The following FNDC1 variants were observed in gnomAD, a reference collection of about 807,000 sequenced individuals.
The protein encoded by FNDC1 is fibronectin type III domain containing 1.
Under a neutral mutation model 168.0 loss-of-function variants are expected in FNDC1, and 96 were observed. That is an observed-to-expected ratio of 0.57 (90% CI 0.48 to 0.68). The LOEUF (loss-of-function observed/expected upper bound fraction) is 0.68. Ranked by LOEUF, FNDC1 falls within the 30% of genes least tolerant of loss-of-function variation. The pLI is 0.00. For synonymous variants in FNDC1, 1,099 were observed against 1,025.9 expected (o/e 1.07, Z -1.36); for missense variants, 2,587 against 2,482.1 (o/e 1.04, Z -0.90).
In FNDC1 at chr6:159,204,301, A is replaced by G. The variant is rs549429018; in HGVS notation, c.460+3720A>G. ...TAGTGGGTCTGTATTCCAGGCATCCATGACAATGACCCATTTGATATTCTC... is the reference window on the plus strand; with the variant it reads ...TAGTGGGTCTGTATTCCAGGCATCCGTGACAATGACCCATTTGATATTCTC... On this transcript the variant is annotated intron_variant, in intron 4 of 22. Transcript: ENST00000297267. 5.9e-5 allele frequency among the ~76,000 whole-genome samples: 9 copies of G among 152,264 alleles called. 1 individual carries two copies. Among genetic ancestry groups the G allele is most frequent in the Admixed American group, 4.6e-4 (7 of 15,296 alleles).
chr6:159,229,836 C>G lies in FNDC1; in HGVS notation c.1202C>G (p.Pro401Arg). The part of the protein sequence containing the change: ...KVKEYILSYA[P>R]ALKPFGAKSL... ...TCAGAATACATTCTTTCATACGCCC[C>G]GGCTCTCAAACCATTTGGAGCAAAG... is the stretch of plus-strand genomic sequence containing the variant. The change falls in exon 10 of 23, where the codon CCG (proline) becomes CGG (arginine). Residue 401 changes from proline to arginine, a missense_variant. Transcript: ENST00000297267. 1 of 1,612,878 alleles carries G rather than the reference C, an allele frequency of 6.2e-7. No individual in the cohort carries two copies. Among genetic ancestry groups the G allele is most frequent in the Non-Finnish European group, 8.5e-7 (1 of 1,179,360 alleles).
Position 159,232,756 on chromosome 6 carries a change from G to C in FNDC1, c.2244G>C (p.Glu748Asp). The stretch of plus-strand genomic sequence containing the variant: ...TTTCCAAGGGCGGGAAGGATGGTGA[G>C]GACGCCCCAGCCACCAACTCCAATG... ...SPLSKGGKDG[E>D]DAPATNSNAP... The change falls in exon 11 of 23, where the codon GAG becomes GAC. Residue 748 changes from glutamate (E) to aspartate (D), a missense_variant. By Grantham distance (45) the Glu-to-Asp change is conservative. Coordinates refer to ENST00000297267, the MANE Select transcript of FNDC1 (RefSeq NM_032532.3). This position sits in a 1 kb window ranked among gnomAD's most constrained non-coding sequence, Gnocchi z 4.9. 2 of 1,613,948 alleles carry C rather than the reference G, an allele frequency of 1.2e-6. No individual in the cohort carries two copies. Among genetic ancestry groups the C allele is most frequent in the Non-Finnish European group, 1.7e-6 (2 of 1,179,896 alleles).
At chr6:159,221,219 T>G (rs1425525325) in intron 5 of FNDC1, among the ~76,000 whole-genome samples, 3 of 152,212 alleles carry the variant, frequency 2.0e-5, no homozygotes, top group African/African-American at 7.2e-5. Context: ...CTTCTCAATT[T>G]TGGAAGTAGA....
chr6:159,190,930 C>T (rs770173330), intron 1 of FNDC1, among the ~76,000 whole-genome samples: 3 of 152,158 alleles, frequency 2.0e-5, no homozygotes, highest in Non-Finnish European at 2.9e-5. Flanking sequence ...TAAAGAACTA[C>T]CTGAGACTGG....
At chr6:159,186,137 G>T (rs1245214651) in intron 1 of FNDC1, among the ~76,000 whole-genome samples, 1 of 152,192 alleles carries the variant, frequency 6.6e-6, no homozygotes, top group African/African-American at 2.4e-5. Flanking sequence ...TTTTGAAACA[G>T]AATTTCTTCA....
chr6:159,242,478 C>T (rs1423262566), intron 14 of FNDC1, among the ~76,000 whole-genome samples: 3 of 151,856 alleles, frequency 2.0e-5, no homozygotes, highest in African/African-American at 7.3e-5. Context: ...GCACCTGTAC[C>T]CCAGAACTTA....
chr6:159,175,347 G>A (rs1166519756), intron 1 of FNDC1, among the ~76,000 whole-genome samples: 1 of 152,094 alleles, frequency 6.6e-6, no homozygotes, highest in Non-Finnish European at 1.5e-5. Flanking sequence ...AGGTTAACTG[G>A]TTTTCCCTAA....
At chr6:159,227,640 C>CTTTT (rs1209585889) in intron 9 of FNDC1, among the ~76,000 whole-genome samples, 3 of 118,102 alleles carry the variant, frequency 2.5e-5, no homozygotes, top group African/African-American at 1.3e-4. Context: ...TACTATTCTT[C>CTTTT]TTTCTCTTTT....
intron 9 of FNDC1, among the ~76,000 whole-genome samples, chr6:159,227,646 C>CT (rs10537794): frequency 0.045 from 6,115 of 135,880 alleles, 181 homozygotes; most frequent in Non-Finnish European, 0.061. Flanking sequence ...TCTTCTTTCT[C>CT]TTTTTTTTTT....
intron 1 of FNDC1, among the ~76,000 whole-genome samples, chr6:159,182,497 C>A (rs897061945): frequency 2.6e-5 from 4 of 152,092 alleles, no homozygotes; most frequent in African/African-American, 9.7e-5. Flanking sequence ...ATACTCTGTT[C>A]TCTGATTATC....
chr6:159,224,139 T>C (rs1782903197), intron 7 of FNDC1, among the ~76,000 whole-genome samples: 1 of 152,238 alleles, frequency 6.6e-6, no homozygotes, highest in Non-Finnish European at 1.5e-5. Context: ...ACTGACTTGC[T>C]TCATGTCTGG....
intron 20 of FNDC1, 44 bp from the exon 21 acceptor site, chr6:159,266,040 C>G (rs780101349): frequency 6.2e-7 from 1 of 1,600,108 alleles, no homozygotes; most frequent in East Asian, 2.2e-5. Context: ...AGAAGACACA[C>G]TGTGGAGTGC....
chr6:159,232,512 G>C lies in FNDC1; in HGVS notation c.2000G>C (p.Arg667Pro). Residue 667 changes from arginine (R) to proline (P), a missense_variant, in exon 11 of 23, where the codon CGG (arginine) becomes CCG (proline). By Grantham distance (103) the Arg-to-Pro change is moderately radical (BLOSUM62 -2). Coordinates refer to ENST00000297267, the MANE Select transcript of FNDC1 (RefSeq NM_032532.3). The surrounding 1 kb of genome is among the most constrained non-coding windows in gnomAD (Gnocchi z 4.9). ...LHPKGAFAQP[R>P]PALSPSRQSP... ...CCCAAGGGCGCCTTCGCCCAGCCCC[G>C]GCCAGCCCTGTCCCCCAGCCGCCAG... 1 of 1,612,008 alleles carries C rather than the reference G, an allele frequency of 6.2e-7. No individual in the cohort carries two copies. Among genetic ancestry groups the C allele is most frequent in the Non-Finnish European group, 8.5e-7 (1 of 1,179,214 alleles).
At chr6:159,193,367 G>A (rs148031651) in intron 1 of FNDC1, among the ~76,000 whole-genome samples, 46 of 152,260 alleles carry the variant, frequency 3.0e-4, no homozygotes, top group African/African-American at 1.0e-3. Context: ...GAGGTTCATG[G>A]CCCTTGTGAG....
At position 159,232,897 on chromosome 6, in the gene FNDC1, AG is replaced by A. The variant is rs1431444797; in HGVS notation, c.2386del (p.Asp796ThrfsTer114). 6.2e-7 allele frequency: 1 copy of A among 1,612,844 alleles called. No homozygotes were observed. On this transcript the variant is annotated frameshift_variant, in exon 11 of 23. Transcript: ENST00000297267. LOFTEE classifies it high-confidence loss of function. This position sits in a 1 kb window ranked among gnomAD's most constrained non-coding sequence, Gnocchi z 4.9. ...GESHGDGDREDGGRQAEATAQ... is the reference protein window; with the variant it reads ...GESHGDGDREXGGRQAEATAQ... ...AAAGCCACGGTGACGGCGATAGGGA[AG>A]ACGGCGGAAGGCAGGCGGAGGCCAC...
At chr6:159,234,913 A>G (rs1300191689) in intron 11 of FNDC1, among the ~76,000 whole-genome samples, 1 of 152,236 alleles carries the variant, frequency 6.6e-6, no homozygotes, top group Non-Finnish European at 1.5e-5. Flanking sequence ...AAGTGCCGCC[A>G]TGTGTTTAAG....
intron 4 of FNDC1, among the ~76,000 whole-genome samples, chr6:159,200,926 A>G (rs976409237): frequency 6.6e-6 from 1 of 152,266 alleles, no homozygotes; most frequent in African/African-American, 2.4e-5. Flanking sequence ...GAATCAATGA[A>G]TGGGGTCCCC....
In FNDC1 at chr6:159,233,505, C is replaced by A. The variant is rs920820048; in HGVS notation, c.2993C>A (p.Pro998His). 2.9e-5 allele frequency: 46 copies of A among 1,602,722 alleles called. No homozygotes were observed. Among genetic ancestry groups the A allele is most frequent in the Middle Eastern group, 1.6e-4 (1 of 6,078 alleles). ...CCCAGTGTTCCCAGAAGGATGACAC[C>A]CGGCCGGGCCCCACAACAGCAGCCC... ...QHPSVPRRMT[P>H]GRAPQQQPPP... The change falls in exon 11 of 23, where the codon CCC becomes CAC. Residue 998 changes from proline to histidine, a missense_variant. Physicochemically the swap from Pro to His is moderately conservative, Grantham distance 77 (BLOSUM62 -2). Coordinates refer to ENST00000297267, the MANE Select transcript of FNDC1 (RefSeq NM_032532.3). This position sits in a 1 kb window ranked among gnomAD's most constrained non-coding sequence, Gnocchi z 4.6.
chr6:159,269,058 G>GTCTATCTATCTA (rs201260395), intron 22 of FNDC1, among the ~76,000 whole-genome samples: 11 of 136,942 alleles, frequency 8.0e-5, no homozygotes, highest in African/African-American at 1.6e-4. Flanking sequence ...CTATCTATCT[G>GTCTATCTATCTA]TCTATCTATC....
Sources: allele counts gnomAD v4.1 joint callset (sites outside exome capture counted in the v4.1 genomes callset), GRCh38; gene constraint gnomAD v4.1.1; non-coding constraint Gnocchi (gnomAD v3.1); transcripts MANE v1.5; gene names NCBI Gene and HGNC (gene_info 2026-07-23, HGNC 2026-07-21).